Variants in DEUP1 observed in about 807,000 individuals in gnomAD.
DEUP1 encodes the protein deuterosome assembly protein 1.
Under a neutral mutation model 87.4 loss-of-function variants are expected in DEUP1, and 82 were observed. The ratio of observed to expected loss-of-function variants is 0.94; its 90% CI spans 0.78 to 1.13. The LOEUF (loss-of-function observed/expected upper bound fraction) is 1.13, where lower values mean the gene tolerates loss of function less well. Among genes scored for constraint, DEUP1 ranks in the 50% most tolerant of loss-of-function variants. DEUP1 has a pLI of 0.00. For missense variants in DEUP1, 663 were observed against 681.5 expected, an observed-to-expected ratio of 0.97 and a Z score of 0.30; for synonymous variants, 214 against 222.7, an observed-to-expected ratio of 0.96 and a Z score of 0.35.
intron 9 of DEUP1, 63 bp downstream of exon 9, chr11:93,389,188 T>A: frequency 1.1e-6 from 1 of 929,936 alleles, no homozygotes; most frequent in Non-Finnish European, 1.6e-6. Context: ...ACAAAGGGAG[T>A]TAAAAAAAAA....
intron 1 of DEUP1, among the ~76,000 whole-genome samples, chr11:93,331,658 A>G (rs547353479): frequency 3.3e-5 from 5 of 152,350 alleles, no homozygotes; most frequent in Non-Finnish European, 7.4e-5. Context: ...ATTCTCATGT[A>G]CTGAGCCGTT....
At chr11:93,374,623 T>C (rs1211912605) in intron 7 of DEUP1, among the ~76,000 whole-genome samples, 2 of 152,226 alleles carry the variant, frequency 1.3e-5, no homozygotes, top group African/African-American at 2.4e-5. Flanking sequence ...TTCTCTATTG[T>C]GTTCCATTGG....
At chr11:93,339,205 A>T (rs750541919) in intron 2 of DEUP1, among the ~76,000 whole-genome samples, 3 of 152,236 alleles carry the variant, frequency 2.0e-5, no homozygotes, top group Non-Finnish European at 4.4e-5. Flanking sequence ...AATATGTTTC[A>T]CATGTTGCCA....
chr11:93,337,513 C>T (rs552207725), intron 2 of DEUP1, among the ~76,000 whole-genome samples: 3 of 152,312 alleles, frequency 2.0e-5, no homozygotes, highest in Non-Finnish European at 2.9e-5. Flanking sequence ...TCCCTCTCTT[C>T]ATACTTTATT....
At chr11:93,333,102 G>T (rs1243381819) in intron 2 of DEUP1, among the ~76,000 whole-genome samples, 1 of 152,138 alleles carries the variant, frequency 6.6e-6, no homozygotes, top group Non-Finnish European at 1.5e-5. Context: ...AGCTCCCACT[G>T]CATACTCCTT....
intron 2 of DEUP1, among the ~76,000 whole-genome samples, chr11:93,334,632 CA>C (rs773242070): frequency 1.2e-3 from 186 of 152,220 alleles, no homozygotes; most frequent in Non-Finnish European, 9.4e-4. Context: ...CAGAAAGTGC[CA>C]AGGCCTATGG....
chr11:93,347,997 C>T (rs1289717466), intron 2 of DEUP1, among the ~76,000 whole-genome samples: 1 of 152,174 alleles, frequency 6.6e-6, no homozygotes, highest in Non-Finnish European at 1.5e-5. Flanking sequence ...ACCTCAGCCT[C>T]CCAAAGCGCC....
intron 13 of DEUP1, among the ~76,000 whole-genome samples, chr11:93,427,295 T>G (rs1308603457): frequency 2.0e-5 from 3 of 151,296 alleles, no homozygotes; most frequent in African/African-American, 4.9e-5. Flanking sequence ...CAATGGAACA[T>G]AACAGAGCCC....
chr11:93,349,131 C>T (rs545114440), intron 2 of DEUP1, among the ~76,000 whole-genome samples: 1 of 152,250 alleles, frequency 6.6e-6, no homozygotes, highest in Admixed American at 6.5e-5. Flanking sequence ...CCTTGCAAAT[C>T]TCTCTATTCA....
intron 2 of DEUP1, among the ~76,000 whole-genome samples, chr11:93,354,520 T>G (rs1944784668): frequency 2.0e-5 from 3 of 152,144 alleles, no homozygotes; most frequent in Admixed American, 6.5e-5. Context: ...ATTAGTCTGT[T>G]TTCACACTGC....
At chr11:93,362,357 T>C (rs1945214966) in intron 4 of DEUP1, among the ~76,000 whole-genome samples, 1 of 151,928 alleles carries the variant, frequency 6.6e-6, no homozygotes, top group Non-Finnish European at 1.5e-5. Context: ...AACTTACTAA[T>C]TAATAATAAA....
At chr11:93,384,102 T>C (rs991931947) in intron 7 of DEUP1, among the ~76,000 whole-genome samples, 2 of 152,208 alleles carry the variant, frequency 1.3e-5, no homozygotes, top group Non-Finnish European at 1.5e-5. Flanking sequence ...CAAGTACTGC[T>C]GCAGAAAATC....
chr11:93,383,848 C>T (rs1160349016), intron 7 of DEUP1, among the ~76,000 whole-genome samples: 1 of 152,034 alleles, frequency 6.6e-6, no homozygotes, highest in East Asian at 1.9e-4. Context: ...ATTTTTTCAT[C>T]CTGAATGTTC....
chr11:93,385,509 G>A lies in DEUP1; in HGVS notation c.901G>A (p.Gly301Arg). ...ATTACACAGAGAATTATTAAAAATA[G>A]GAGAGTGCCAAAATGCTCAAGGAAA... Reference protein sequence around the residue: ...LQLHRELLKIGECQNAQGNKT... With the variant: ...LQLHRELLKIRECQNAQGNKT... The change falls in exon 8 of 14, where the codon GGA (glycine) becomes AGA (arginine). Residue 301 changes from glycine (G) to arginine (R), a missense_variant. Coordinates refer to ENST00000298050, the MANE Select transcript of DEUP1 (RefSeq NM_181645.4). 1.2e-6 allele frequency: 2 copies of A among 1,609,348 alleles called. No individual in the cohort carries two copies. The highest frequency in any genetic ancestry group is 1.7e-6 in the Non-Finnish European group (2 of 1,178,296).
intron 1 of DEUP1, among the ~76,000 whole-genome samples, chr11:93,331,828 C>T (rs555868290): frequency 2.0e-5 from 3 of 152,206 alleles, no homozygotes; most frequent in Non-Finnish European, 2.9e-5. Context: ...GGGTGGATCA[C>T]GAGGTCAGGA....
At chr11:93,345,802 G>A (rs1944322284) in intron 2 of DEUP1, among the ~76,000 whole-genome samples, 1 of 152,014 alleles carries the variant, frequency 6.6e-6, no homozygotes, top group Non-Finnish European at 1.5e-5. Context: ...CCCTTCTGTA[G>A]GTTGTCTGTT....
At chr11:93,372,472 C>A (rs973774555) in intron 7 of DEUP1, among the ~76,000 whole-genome samples, 30 of 152,154 alleles carry the variant, frequency 2.0e-4, no homozygotes, top group African/African-American at 6.3e-4. Flanking sequence ...GCCACTTAAA[C>A]TCCCAGGGTC....
intron 7 of DEUP1, among the ~76,000 whole-genome samples, chr11:93,378,891 G>A (rs565179766): frequency 4.6e-5 from 7 of 152,248 alleles, no homozygotes; most frequent in African/African-American, 1.7e-4. Flanking sequence ...TGCTATGTCT[G>A]TCCAAGTGGG....
chr11:93,429,164 C>A (rs1005164003), intron 13 of DEUP1, among the ~76,000 whole-genome samples: 13 of 152,054 alleles, frequency 8.5e-5, no homozygotes, highest in Non-Finnish European at 1.8e-4. Flanking sequence ...ATAGTAGAGA[C>A]TAGAAGTAAA....
Sources: allele counts gnomAD v4.1 joint callset (sites outside exome capture counted in the v4.1 genomes callset), GRCh38; gene constraint gnomAD v4.1.1; transcripts MANE v1.5; gene names NCBI Gene and HGNC (gene_info 2026-07-23, HGNC 2026-07-21).